The following MYO1B variants were observed in gnomAD, a reference collection of about 807,000 sequenced individuals.
MYO1B encodes unconventional myosin-Ib.
MYO1B carries 72 observed loss-of-function variants against 159.7 expected under a neutral mutation model. The ratio of observed to expected loss-of-function variants is 0.45; its 90% confidence interval spans 0.37 to 0.55. MYO1B has a LOEUF of 0.55. MYO1B is among the 20% of genes least tolerant of loss of function. MYO1B has a pLI of 0.00. For synonymous variants in MYO1B, 468 were observed against 473.8 expected (o/e 0.99, Z 0.16); for missense variants, 1,062 against 1,364.8 (o/e 0.78, Z 3.50).
At chr2:191,348,381 C>T (rs1170191093) in intron 6 of MYO1B, among the ~76,000 whole-genome samples, 1 of 152,206 alleles carries the variant, frequency 6.6e-6, no homozygotes, top group Non-Finnish European at 1.5e-5. Context: ...TCTATGTACA[C>T]TCCTTTTACC....
chr2:191,377,967 A>C (rs925693619), intron 13 of MYO1B: 1 of 152,000 alleles, frequency 6.6e-6, no homozygotes, highest in Non-Finnish European at 1.5e-5. Flanking sequence ...GTTAATTTCT[A>C]CATCGGTGAT....
chr2:191,394,907 T>G (rs1031262684), intron 20 of MYO1B, among the ~76,000 whole-genome samples: 1 of 152,190 alleles, frequency 6.6e-6, no homozygotes, highest in Non-Finnish European at 1.5e-5. Context: ...TGCATTAACT[T>G]TGTTCTAATG....
intron 1 of MYO1B, chr2:191,263,304 C>A: frequency 7.1e-6 from 7 of 984,576 alleles, no homozygotes; most frequent in Non-Finnish European, 8.4e-6. Flanking sequence ...CCTGTCACAA[C>A]GAATGTTTGT....
chr2:191,416,324 A>G, intron 30 of MYO1B, 82 bp downstream of exon 30: 1 of 1,505,810 alleles, frequency 6.6e-7, no homozygotes, highest in Non-Finnish European at 9.2e-7. Context: ...ATTCATTAAT[A>G]CAACTACTTA....
At chr2:191,348,398 C>T (rs1171288009) in intron 6 of MYO1B, among the ~76,000 whole-genome samples, 2 of 152,204 alleles carry the variant, frequency 1.3e-5, no homozygotes, top group Non-Finnish European at 2.9e-5. Context: ...TACCTAGGCT[C>T]TAGATTCTGT....
At chr2:191,399,739 GCAAAA>G (rs1340509623) in intron 21 of MYO1B, among the ~76,000 whole-genome samples, 1 of 137,464 alleles carries the variant, frequency 7.3e-6, no homozygotes, top group Non-Finnish European at 1.6e-5. Context: ...ACAGCAAATG[GCAAAA>G]CACAAATCTG....
chr2:191,265,275 C>T (rs13035132), intron 1 of MYO1B, among the ~76,000 whole-genome samples: 57,519 of 150,930 alleles, frequency 0.38, 11,157 homozygotes, highest in Middle Eastern at 0.54. Context: ...AGAACCAATC[C>T]GGAGTGGCCT....
chr2:191,416,780 A>G (rs543592738), intron 30 of MYO1B, among the ~76,000 whole-genome samples: 5 of 152,112 alleles, frequency 3.3e-5, no homozygotes, highest in Non-Finnish European at 5.9e-5. Flanking sequence ...TGCCACCGCA[A>G]TCCAGCCTGG....
At chr2:191,246,462 G>C (rs1204293008) in intron 1 of MYO1B, 1 of 152,162 alleles carries the variant, frequency 6.6e-6, no homozygotes, top group Admixed American at 6.5e-5. Flanking sequence ...AGCGTTTATT[G>C]CTGCAACAAG....
rs576092631 is a variant in MYO1B, at chr2:191,418,769, G to T, written c.3287+2527G>T. ...CTCTGAAAGTGCTGGGATTACAGGC[G>T]TGAGCCACCGCGCCCAGCCTGTTCA... On this transcript the variant is annotated intron_variant, in intron 30 of 30. Coordinates refer to ENST00000392318, the MANE Select transcript of MYO1B (RefSeq NM_001130158.3). Among the ~76,000 whole-genome samples the T allele has an allele frequency of 3.3e-5, 5 of 152,258 alleles. No homozygotes were observed. In the South Asian group the frequency reaches 1.0e-3, roughly 32 times the overall value.
At chr2:191,265,049 A>G (rs1687050399) in intron 1 of MYO1B, among the ~76,000 whole-genome samples, 1 of 152,008 alleles carries the variant, frequency 6.6e-6, no homozygotes, top group Non-Finnish European at 1.5e-5. Context: ...GTAACCTATG[A>G]TCTGTTGCAG....
At chr2:191,315,268 T>C (rs2125875504) in intron 3 of MYO1B, among the ~76,000 whole-genome samples, 1 of 152,292 alleles carries the variant, frequency 6.6e-6, no homozygotes, top group African/African-American at 2.4e-5. Flanking sequence ...ATTTTAGTCA[T>C]ACCAATTGCC....
At chr2:191,391,132 C>A (rs993700238) in intron 18 of MYO1B, among the ~76,000 whole-genome samples, 1 of 152,204 alleles carries the variant, frequency 6.6e-6, no homozygotes, top group East Asian at 1.9e-4. Context: ...TACTGACGGG[C>A]GGCTGTTGCA....
intron 21 of MYO1B, among the ~76,000 whole-genome samples, chr2:191,399,068 A>G (rs1302406041): frequency 6.6e-6 from 1 of 152,196 alleles, no homozygotes; most frequent in African/African-American, 2.4e-5. Context: ...GCTGGAGACC[A>G]GCCCGGCCAA....
intron 15 of MYO1B, among the ~76,000 whole-genome samples, chr2:191,385,397 A>G (rs1284156426): frequency 6.6e-6 from 1 of 152,214 alleles, no homozygotes; most frequent in East Asian, 1.9e-4. Flanking sequence ...CTTTATTTTG[A>G]ACACATGAAC....
intron 18 of MYO1B, 67 bp from the exon 19 acceptor site, chr2:191,392,041 C>A (rs1695785935): frequency 1.7e-6 from 2 of 1,171,860 alleles, no homozygotes; most frequent in Non-Finnish European, 2.5e-6. Context: ...GAACCTGATA[C>A]CATGATAGAA....
rs201842390 is a variant in MYO1B, at chr2:191,363,884, G to A, written c.913+9G>A. The A allele has an allele frequency of 1.7e-5, 27 of 1,611,690 alleles. No individual in the cohort carries two copies. Among genetic ancestry groups the A allele is most frequent in the Middle Eastern group, 1.7e-4 (1 of 6,044 alleles). Reference sequence around the variant, plus strand: ...AATCAAAGATAAAAATGGTACATCCGTGGAGAATCAACTTTGTTTGTTTAG... The same window carrying A: ...AATCAAAGATAAAAATGGTACATCCATGGAGAATCAACTTTGTTTGTTTAG... On this transcript the variant is annotated intron_variant, in intron 10 of 30. Coordinates refer to ENST00000392318, the MANE Select transcript of MYO1B (RefSeq NM_001130158.3).
chr2:191,324,386 CT>C (rs1234428904), intron 3 of MYO1B, among the ~76,000 whole-genome samples: 1 of 151,594 alleles, frequency 6.6e-6, no homozygotes, highest in African/African-American at 2.4e-5. Context: ...ATTCCATTTA[CT>C]TTTTAGTTAT....
At position 191,276,884 on chromosome 2, in the gene MYO1B, C is replaced by A; in HGVS notation, c.-9-3C>A. The A allele has an allele frequency of 6.3e-7, 1 of 1,596,482 alleles. No individual in the cohort carries two copies. The highest frequency in any genetic ancestry group is 8.5e-7 in the Non-Finnish European group (1 of 1,174,080). ...AATTGACCCCTTTCCCTCTCTTCTG[C>A]AGCTGGAGACCATGGCCAAAATGGA... On this transcript the variant is annotated splice_polypyrimidine_tract_variant and splice_region_variant and intron_variant, in intron 1 of 30. Transcript: ENST00000392318.
Sources: gnomAD v4.1 joint callset for allele counts (sites outside exome capture counted in the v4.1 genomes callset) on GRCh38, gnomAD v4.1.1 for gene constraint, MANE v1.5 for transcripts, NCBI Gene and HGNC (gene_info 2026-07-23, HGNC 2026-07-21) for gene names.